VTI1A: variants seen among roughly 807,000 people sequenced by gnomAD.
VTI1A encodes vesicle transport through interaction with t-SNAREs homolog 1A.
Under a neutral mutation model 34.9 loss-of-function variants are expected in VTI1A, and 22 were observed. That is an observed-to-expected ratio of 0.63 (90% CI 0.45 to 0.90). VTI1A has a LOEUF of 0.90. Among genes scored for constraint, VTI1A ranks in the 40% least tolerant of loss-of-function variants. VTI1A has a pLI of 0.00. For missense variants in VTI1A, 268 were observed against 275.6 expected, an observed-to-expected ratio of 0.97 and a Z score of 0.20; for synonymous variants, 87 against 97.3, an observed-to-expected ratio of 0.89 and a Z score of 0.62.
intron 7 of VTI1A, among the ~76,000 whole-genome samples, chr10:112,774,991 C>A (rs556821565): frequency 2.6e-5 from 4 of 152,154 alleles, no homozygotes; most frequent in Non-Finnish European, 1.5e-5. Flanking sequence ...AGAACAATGA[C>A]GCCTGTGTCA....
intron 7 of VTI1A, among the ~76,000 whole-genome samples, chr10:112,755,093 A>G (rs1851234637): frequency 6.6e-6 from 1 of 152,116 alleles, no homozygotes; most frequent in South Asian, 2.1e-4. Flanking sequence ...TGTCTATACT[A>G]AAAGTACAAA....
the VTI1A span, among the ~76,000 whole-genome samples, chr10:112,838,161 G>A: frequency 9.2e-5 from 14 of 152,216 alleles, no homozygotes; most frequent in Non-Finnish European, 1.5e-4. Context: ...ACCCCAAGAG[G>A]GCTGGGGCCA....
chr10:112,672,287 G>A (rs921988556), intron 7 of VTI1A, among the ~76,000 whole-genome samples: 1 of 152,170 alleles, frequency 6.6e-6, no homozygotes, highest in African/African-American at 2.4e-5. Flanking sequence ...GACAGCAACT[G>A]CTTCAACCGA....
At chr10:112,453,838 A>G (rs1029415540) in intron 1 of VTI1A, among the ~76,000 whole-genome samples, 5 of 152,138 alleles carry the variant, frequency 3.3e-5, no homozygotes, top group African/African-American at 1.2e-4. Flanking sequence ...AGGTGTGCAC[A>G]TTACTCCCGG....
At position 112,791,255 on chromosome 10, in the gene VTI1A, G is replaced by A. The variant is rs538945881; in HGVS notation, c.561-24035G>A. Among the ~76,000 whole-genome samples, 13 of 152,236 alleles carry A rather than the reference G, an allele frequency of 8.5e-5. No individual in the cohort carries two copies. The East Asian group carries it at 1.2e-3, about 14-fold the overall frequency. ...GAATACAATATAGATAGTATCAGGC[G>A]CAACAAAAGGTACATTCTGATATTA... is the stretch of plus-strand genomic sequence containing the variant. On this transcript the variant is annotated intron_variant, in intron 7 of 7. Coordinates refer to ENST00000393077, the MANE Select transcript of VTI1A (RefSeq NM_145206.4).
At chr10:112,848,465 A>C in the VTI1A span, among the ~76,000 whole-genome samples, 1 of 152,234 alleles carries the variant, frequency 6.6e-6, no homozygotes, top group East Asian at 1.9e-4. Context: ...GACCCTGGTC[A>C]GACCTTGGAG....
chr10:112,575,500 C>T (rs940876700), intron 5 of VTI1A, among the ~76,000 whole-genome samples: 5 of 152,164 alleles, frequency 3.3e-5, no homozygotes, highest in African/African-American at 1.2e-4. Flanking sequence ...CTTCAGTAAG[C>T]GTTTGTTCGC....
chr10:112,636,388 T>C (rs1390537509), intron 5 of VTI1A, among the ~76,000 whole-genome samples: 1 of 152,104 alleles, frequency 6.6e-6, no homozygotes, highest in African/African-American at 2.4e-5. Context: ...CATTGGATGG[T>C]GTGTTATGGG....
chr10:112,652,726 C>CAA (rs779424975), intron 5 of VTI1A, among the ~76,000 whole-genome samples: 15 of 106,412 alleles, frequency 1.4e-4, no homozygotes, highest in Admixed American at 6.5e-4. Context: ...GACCTTGTCT[C>CAA]AAAAAAAAAA....
chr10:112,759,363 C>T (rs1276154105), intron 7 of VTI1A, among the ~76,000 whole-genome samples: 1 of 152,166 alleles, frequency 6.6e-6, no homozygotes, highest in Non-Finnish European at 1.5e-5. Context: ...GCCAAATGCT[C>T]ATTCCACTCA....
chr10:112,821,848 C>T (rs954444963), downstream of VTI1A, among the ~76,000 whole-genome samples: 2 of 152,174 alleles, frequency 1.3e-5, no homozygotes, highest in Non-Finnish European at 2.9e-5. Context: ...TGTCCCTCCC[C>T]GTGTTTGCAC....
At chr10:112,733,339 A>G (rs1850336024) in intron 7 of VTI1A, among the ~76,000 whole-genome samples, 1 of 152,176 alleles carries the variant, frequency 6.6e-6, no homozygotes, top group Admixed American at 6.5e-5. Flanking sequence ...GTTCCAAAAC[A>G]TTTTCACCAC....
At chr10:112,818,824 A>G (rs1322992832), downstream of VTI1A, 1 of 176,380 alleles carries the variant, frequency 5.7e-6, no homozygotes, top group Non-Finnish European at 1.2e-5. Context: ...GCCTCTTGCC[A>G]TCATCTGACT....
intron 3 of VTI1A, among the ~76,000 whole-genome samples, chr10:112,503,944 T>C (rs1018268417): frequency 9.9e-5 from 15 of 152,176 alleles, no homozygotes; most frequent in African/African-American, 3.6e-4. Context: ...TCTGCCACTT[T>C]ACGAAATGAG....
At chr10:112,612,570 T>G (rs1388952184) in intron 5 of VTI1A, among the ~76,000 whole-genome samples, 1 of 152,166 alleles carries the variant, frequency 6.6e-6, no homozygotes, top group Non-Finnish European at 1.5e-5. Context: ...TACAGGTACA[T>G]GCTGCCACAT....
At chr10:112,523,563 C>T (rs771240798) in intron 3 of VTI1A, among the ~76,000 whole-genome samples, 6 of 151,928 alleles carry the variant, frequency 3.9e-5, no homozygotes, top group Non-Finnish European at 8.8e-5. Context: ...TTGTATTTAA[C>T]TCTGTGTATG....
Position 112,495,616 on chromosome 10 carries a change from G to C in VTI1A, c.264+30959G>C, listed in dbSNP as rs867448151. Among the ~76,000 whole-genome samples the C allele has an allele frequency of 2.0e-5, 3 of 152,276 alleles. 1 individual carries two copies. The Middle Eastern group carries it at 0.01, about 518-fold the overall frequency. ...TCCCAGTGGAGAAATTAAATAGCCA[G>C]TTTGAGTTCAGAAGAGAGTTAAATA... On this transcript the variant is annotated intron_variant, in intron 3 of 7. Coordinates refer to ENST00000393077, the MANE Select transcript of VTI1A (RefSeq NM_145206.4).
intron 7 of VTI1A, among the ~76,000 whole-genome samples, chr10:112,720,283 A>G (rs141584389): frequency 6.6e-5 from 10 of 152,346 alleles, no homozygotes; most frequent in Non-Finnish European, 1.3e-4. Context: ...AAAAACTGCC[A>G]AACTATTTTC....
chr10:112,667,002 G>A (rs1205219453), intron 5 of VTI1A, among the ~76,000 whole-genome samples: 2 of 151,958 alleles, frequency 1.3e-5, no homozygotes, highest in Admixed American at 1.3e-4. Flanking sequence ...TGGGATTTTG[G>A]GTCAGGCAGT....
Sources: allele counts gnomAD v4.1 joint callset (sites outside exome capture counted in the v4.1 genomes callset), GRCh38; gene constraint gnomAD v4.1.1; transcripts MANE v1.5; gene names NCBI Gene and HGNC (gene_info 2026-07-23, HGNC 2026-07-21).